PMEPA1: variants seen among roughly 807,000 people sequenced by gnomAD.
The protein encoded by PMEPA1 is prostate transmembrane protein, androgen induced 1, also known as protein TMEPAI.
Under a neutral mutation model 23.0 loss-of-function variants are expected in PMEPA1, and 11 were observed. The ratio of observed to expected loss-of-function variants is 0.48; its 90% CI spans 0.30 to 0.79. PMEPA1 has a LOEUF of 0.79. Ranked by LOEUF, PMEPA1 falls within the 30% of genes least tolerant of loss-of-function variation. The probability of loss-of-function intolerance (pLI) is 0.06; values close to 1 mark genes in which losing one functional copy is unlikely to be tolerated. For synonymous variants in PMEPA1, 204 were observed against 166.4 expected (o/e 1.23, Z -1.74); for missense variants, 377 against 390.9 (o/e 0.96, Z 0.30).
At chr20:57,664,544 C>T (rs1479027813) in intron 1 of PMEPA1, among the ~76,000 whole-genome samples, 3 of 149,768 alleles carry the variant, frequency 2.0e-5, no homozygotes, top group East Asian at 1.9e-4. Context: ...CGCGGCAGCT[C>T]GCAGAATCCT....
chr20:57,710,467 C>T (rs1304372283), upstream of PMEPA1: 7 of 1,608,486 alleles, frequency 4.4e-6, no homozygotes, highest in South Asian at 1.1e-5. Context: ...CACCCATTGC[C>T]TGGTTTCGCA....
At chr20:57,664,565 G>C (rs2071467337) in intron 1 of PMEPA1, among the ~76,000 whole-genome samples, 1 of 149,764 alleles carries the variant, frequency 6.7e-6, no homozygotes, top group Admixed American at 6.6e-5. Context: ...CTTCGTGCCT[G>C]CATTTGTTCC....
At chr20:57,681,999 C>T (rs2071723453) in intron 1 of PMEPA1, among the ~76,000 whole-genome samples, 1 of 152,196 alleles carries the variant, frequency 6.6e-6, no homozygotes, top group African/African-American at 2.4e-5. Context: ...TGTCGAATCT[C>T]CTCCTCCGTT....
intron 1 of PMEPA1, among the ~76,000 whole-genome samples, chr20:57,692,672 G>A (rs1419764316): frequency 2.0e-5 from 3 of 152,358 alleles, no homozygotes; most frequent in Non-Finnish European, 2.9e-5. Context: ...CATGCCAGCC[G>A]GGTGCCACTG....
At chr20:57,694,353 T>C (rs1038164429) in intron 1 of PMEPA1, among the ~76,000 whole-genome samples, 6 of 152,246 alleles carry the variant, frequency 3.9e-5, no homozygotes, top group African/African-American at 1.4e-4. Context: ...AAATATTCAA[T>C]TGGTTTACTT....
intron 1 of PMEPA1, among the ~76,000 whole-genome samples, chr20:57,685,340 G>A (rs887316571): frequency 2.0e-5 from 3 of 152,180 alleles, no homozygotes; most frequent in African/African-American, 4.8e-5. Context: ...ATGAGCAAGT[G>A]TTTTGAAATC....
At chr20:57,654,681 C>T (rs138638912) in intron 2 of PMEPA1, among the ~76,000 whole-genome samples, 1 of 152,174 alleles carries the variant, frequency 6.6e-6, no homozygotes, top group African/African-American at 2.4e-5. Flanking sequence ...TTCTATCCAC[C>T]TCTCTCCCCA....
rs947252853 is a variant in PMEPA1, at chr20:57,702,825, C to T, written c.109+6649G>A. Reference sequence around the variant, plus strand: ...TCACTAATACCTGGCACATAATAATCTCTTCACATTCAACTAGGAAAAAGA... The same window carrying T: ...TCACTAATACCTGGCACATAATAATTTCTTCACATTCAACTAGGAAAAAGA... On this transcript the variant is annotated intron_variant, in intron 1 of 3. Coordinates refer to ENST00000341744, the MANE Select transcript of PMEPA1 (RefSeq NM_020182.5). 6.6e-5 allele frequency among the ~76,000 whole-genome samples: 10 copies of T among 152,336 alleles called. 1 individual carries two copies. The highest frequency in any genetic ancestry group is 4.6e-4 in the Admixed American group (7 of 15,306).
intron 1 of PMEPA1, among the ~76,000 whole-genome samples, chr20:57,707,646 T>C (rs751423370): frequency 1.6e-4 from 18 of 112,832 alleles, no homozygotes; most frequent in Non-Finnish European, 2.8e-4. Context: ...AGAACAATGC[T>C]TTTTTTTTTT....
chr20:57,675,637 T>A (rs1223274990), intron 1 of PMEPA1, among the ~76,000 whole-genome samples: 3 of 152,142 alleles, frequency 2.0e-5, no homozygotes, highest in Non-Finnish European at 4.4e-5. Context: ...GGCCCCTGAA[T>A]GGATTGCCGG....
At chr20:57,669,443 G>C (rs1374387591) in intron 1 of PMEPA1, among the ~76,000 whole-genome samples, 1 of 152,196 alleles carries the variant, frequency 6.6e-6, no homozygotes, top group Non-Finnish European at 1.5e-5. Flanking sequence ...TTACAGGCGT[G>C]AGCCACCGCA....
upstream of PMEPA1, chr20:57,710,809 T>G: frequency 3.5e-6 from 1 of 286,660 alleles, no homozygotes; most frequent in East Asian, 6.0e-5. Context: ...CAAGAACACA[T>G]TCTTCAGGTT....
At chr20:57,709,292 C>T (rs918956822) in intron 1 of PMEPA1, among the ~76,000 whole-genome samples, 182 bp downstream of exon 1, 8 of 146,648 alleles carry the variant, frequency 5.5e-5, no homozygotes, top group African/African-American at 1.5e-4. Flanking sequence ...GGGACAAAGC[C>T]GGGCCGGCCG....
intron 1 of PMEPA1, among the ~76,000 whole-genome samples, chr20:57,702,425 A>G (rs2072024229): frequency 6.6e-6 from 1 of 152,158 alleles, no homozygotes; most frequent in South Asian, 2.1e-4. Context: ...TTTTGGGGAG[A>G]CATTTCCAAT....
At chr20:57,671,717 C>A (rs950945250) in intron 1 of PMEPA1, among the ~76,000 whole-genome samples, 55 of 152,166 alleles carry the variant, frequency 3.6e-4, no homozygotes, top group African/African-American at 1.3e-3. Flanking sequence ...GAGCTCTGAG[C>A]AGGGGAAACT....
chr20:57,654,497 C>G (rs974520912), intron 2 of PMEPA1, among the ~76,000 whole-genome samples: 1 of 152,072 alleles, frequency 6.6e-6, no homozygotes, highest in Admixed American at 6.5e-5. Flanking sequence ...CCGTCAGGAC[C>G]GCTCCTACCC....
chr20:57,668,515 C>T (rs1486705252), intron 1 of PMEPA1, among the ~76,000 whole-genome samples: 1 of 152,182 alleles, frequency 6.6e-6, no homozygotes. Context: ...GTCCCCTGTC[C>T]CCACAAGACA....
intron 1 of PMEPA1, among the ~76,000 whole-genome samples, chr20:57,706,357 G>A (rs2072087905): frequency 6.6e-6 from 1 of 152,166 alleles, no homozygotes; most frequent in South Asian, 2.1e-4. Context: ...GGAAAACCAG[G>A]TGCCAGGAGT....
chr20:57,699,990 A>G (rs1412687823), intron 1 of PMEPA1: 1 of 470,444 alleles, frequency 2.1e-6, no homozygotes, highest in Non-Finnish European at 4.4e-6. Flanking sequence ...ACTTGAAGAT[A>G]CGTGGCTCTA....
Sources: gnomAD v4.1 joint callset for allele counts (sites outside exome capture counted in the v4.1 genomes callset) on GRCh38, gnomAD v4.1.1 for gene constraint, MANE v1.5 for transcripts, NCBI Gene and HGNC (gene_info 2026-07-23, HGNC 2026-07-21) for gene names.